The following PCDHA9 variants were observed in gnomAD, a reference collection of about 807,000 sequenced individuals.
PCDHA9 encodes the protein protocadherin alpha 9, also known as protocadherin alpha-9.
PCDHA9 carries 62 observed loss-of-function variants against 62.0 expected under a neutral mutation model. The ratio of observed to expected loss-of-function variants is 1.00; its 90% CI spans 0.81 to 1.23. The LOEUF (loss-of-function observed/expected upper bound fraction) is 1.23, where lower values mean the gene tolerates loss of function less well. Ranked by LOEUF, PCDHA9 falls within the 50% of genes most tolerant of loss-of-function variation. PCDHA9 has a pLI of 0.00. For missense variants in PCDHA9, 1,205 were observed against 1,249.8 expected (o/e 0.96, Z 0.54); for synonymous variants, 557 against 567.6 (o/e 0.98, Z 0.27).
chr5:140,861,521 G>T, intron 1 of PCDHA9: 1 of 460,572 alleles, frequency 2.2e-6, no homozygotes, highest in Non-Finnish European at 4.5e-6. Flanking sequence ...TGTGTGGGAG[G>T]ATCTCGGAGT....
At chr5:140,875,423 G>A in intron 1 of PCDHA9, 2 of 1,524,996 alleles carry the variant, frequency 1.3e-6, no homozygotes, top group Non-Finnish European at 1.8e-6. Flanking sequence ...CCTCAGGCAA[G>A]CGATCCCTTA....
intron 3 of PCDHA9, among the ~76,000 whole-genome samples, chr5:140,993,449 CCTT>C (rs1214858534): frequency 1.4e-5 from 2 of 144,318 alleles, no homozygotes; most frequent in Non-Finnish European, 1.5e-5. Flanking sequence ...TTCCTGTTCT[CCTT>C]CTTTCTTTCT....
chr5:140,856,871 G>T, intron 1 of PCDHA9: 1 of 1,595,048 alleles, frequency 6.3e-7, no homozygotes, highest in Non-Finnish European at 8.6e-7. Flanking sequence ...AATAAACAAG[G>T]AAATGATGTA....
chr5:140,877,081 G>T (rs201590988), intron 1 of PCDHA9: 2 of 1,613,120 alleles, frequency 1.2e-6, no homozygotes, highest in Non-Finnish European at 1.7e-6. Flanking sequence ...CCAGGTGAGC[G>T]CGCGCGACGC....
At chr5:140,875,078 G>A (rs1554167473) in intron 1 of PCDHA9, among the ~76,000 whole-genome samples, 1 of 152,164 alleles carries the variant, frequency 6.6e-6, no homozygotes, top group Non-Finnish European at 1.5e-5. Flanking sequence ...AAGCTACAGC[G>A]TAATAAAATT....
intron 1 of PCDHA9, among the ~76,000 whole-genome samples, chr5:140,948,814 A>G (rs1284322137): frequency 1.3e-5 from 2 of 151,134 alleles, no homozygotes; most frequent in African/African-American, 4.8e-5. Context: ...TTTGGTTTCT[A>G]TTTCATTAAT....
chr5:140,921,151 A>AT (rs11299094), intron 1 of PCDHA9, among the ~76,000 whole-genome samples: 2 of 151,512 alleles, frequency 1.3e-5, no homozygotes. Context: ...CAGCTAATGC[A>AT]TTTTTTTTTT....
intron 1 of PCDHA9, chr5:140,883,596 T>C: frequency 1.2e-6 from 2 of 1,613,794 alleles, no homozygotes; most frequent in East Asian, 4.5e-5. Context: ...AGCGTGTCGG[T>C]GGGGGTGGCC....
intron 1 of PCDHA9, among the ~76,000 whole-genome samples, chr5:140,918,108 A>G (rs1283760333): frequency 2.6e-5 from 4 of 152,166 alleles, no homozygotes; most frequent in Non-Finnish European, 5.9e-5. Context: ...GATCTTTCAC[A>G]TCCTTGATTA....
At chr5:140,881,454 C>A in intron 1 of PCDHA9, 1 of 705,924 alleles carries the variant, frequency 1.4e-6, no homozygotes, top group Non-Finnish European at 1.7e-6. Context: ...AATCCAAAAC[C>A]TTAGAGCATT....
chr5:140,978,907 G>T (rs782602741), intron 1 of PCDHA9, 42 bp from the exon 2 acceptor site: 3 of 1,613,648 alleles, frequency 1.9e-6, no homozygotes, highest in East Asian at 2.2e-5. Flanking sequence ...GGAGAACATT[G>T]TCTTGTCATT....
At chr5:140,906,750 T>C (rs782209238) in intron 1 of PCDHA9, among the ~76,000 whole-genome samples, 2 of 152,216 alleles carry the variant, frequency 1.3e-5, no homozygotes, top group Non-Finnish European at 2.9e-5. Flanking sequence ...ACACAGGGCA[T>C]GGTAATACTA....
intron 1 of PCDHA9, among the ~76,000 whole-genome samples, chr5:140,944,059 T>C (rs190208662): frequency 6.6e-6 from 1 of 152,296 alleles, no homozygotes; most frequent in East Asian, 1.9e-4. Flanking sequence ...TACAAAAAGG[T>C]TTCTTGTTAA....
chr5:140,882,539 G>C (rs1303287274), intron 1 of PCDHA9: 2 of 1,614,110 alleles, frequency 1.2e-6, no homozygotes. Context: ...TTCTCGGATC[G>C]ACCGCGAGGA....
rs782034471 is a variant in PCDHA9 at position 141,010,170 on chromosome 5, T to G, written c.*233T>G. ...TCCACTCTGGCTTGTTTTCAGAACCTAAAAAGCAGACCCAAGTTTCCTTTC... is the reference window on the plus strand; with the variant it reads ...TCCACTCTGGCTTGTTTTCAGAACCGAAAAAGCAGACCCAAGTTTCCTTTC... On this transcript the variant is annotated 3_prime_UTR_variant, in exon 4 of 4. Transcript: ENST00000532602. 6.4e-7 allele frequency: 1 copy of G among 1,559,590 alleles called. No individual in the cohort carries two copies.
At position 140,869,813 on chromosome 5, in the gene PCDHA9, A is replaced by T. The variant is rs782789559; in HGVS notation, c.2394+18924A>T. On this transcript the variant is annotated intron_variant, in intron 1 of 3. Transcript: ENST00000532602. Reference sequence around the variant, plus strand: ...TTAGTCCAAGTCTTGGATGTCAACGACAATGATCCAGAGTTTGATAAATCA... The same window carrying T: ...TTAGTCCAAGTCTTGGATGTCAACGTCAATGATCCAGAGTTTGATAAATCA... The T allele has an allele frequency of 3.1e-6, 5 of 1,612,416 alleles. No individual in the cohort carries two copies. The South Asian group carries it at 5.5e-5, about 18-fold the overall frequency.
At chr5:140,874,958 A>G (rs2055195313) in intron 1 of PCDHA9, among the ~76,000 whole-genome samples, 1 of 152,242 alleles carries the variant, frequency 6.6e-6, no homozygotes, top group South Asian at 2.1e-4. Flanking sequence ...TGTAAGCTAT[A>G]TAAGGGGAGG....
At chr5:140,960,742 T>C (rs1336861398) in intron 1 of PCDHA9, among the ~76,000 whole-genome samples, 1 of 151,530 alleles carries the variant, frequency 6.6e-6, no homozygotes, top group Non-Finnish European at 1.5e-5. Flanking sequence ...TTTTAGTCCA[T>C]GGCTAAAATC....
intron 1 of PCDHA9, among the ~76,000 whole-genome samples, chr5:140,940,219 T>C (rs1554213221): frequency 6.6e-6 from 1 of 152,180 alleles, no homozygotes; most frequent in Non-Finnish European, 1.5e-5. Context: ...TTGGCATTTA[T>C]TTCATTTTGG....
Sources: allele counts gnomAD v4.1 joint callset (sites outside exome capture counted in the v4.1 genomes callset), GRCh38; gene constraint gnomAD v4.1.1; transcripts MANE v1.5; gene names NCBI Gene and HGNC (gene_info 2026-07-23, HGNC 2026-07-21).